Variants in LRRC4C observed in about 807,000 individuals in gnomAD.
LRRC4C encodes leucine rich repeat containing 4C.
LRRC4C carries 5 observed loss-of-function variants against 33.6 expected under a neutral mutation model. The observed-to-expected ratio is 0.15, with a 90% CI of 0.08 to 0.31. The LOEUF (loss-of-function observed/expected upper bound fraction) is 0.31. Among genes scored for constraint, LRRC4C ranks in the 10% least tolerant of loss-of-function variants. LRRC4C has a pLI of 1.00. For synonymous variants in LRRC4C, 329 were observed against 302.0 expected, an observed-to-expected ratio of 1.09 and a Z score of -0.93; for missense variants, 560 against 796.7, an observed-to-expected ratio of 0.70 and a Z score of 3.58.
At chr11:40,921,942 T>C (rs567446201) in intron 2 of LRRC4C, among the ~76,000 whole-genome samples, 97 of 152,324 alleles carry the variant, frequency 6.4e-4, no homozygotes, top group African/African-American at 2.2e-3. Flanking sequence ...CTCTGTAATA[T>C]TCCTTACAAA....
At position 40,936,032 on chromosome 11, in the gene LRRC4C, AT is replaced by A. The variant is rs1349742871; in HGVS notation, c.-495-2310del. Among the ~76,000 whole-genome samples, 22 of 54,732 alleles carry A rather than the reference AT, an allele frequency of 4.0e-4. 3 individuals carry two copies. Among genetic ancestry groups the A allele is most frequent in the Non-Finnish European group, 6.6e-4 (18 of 27,202 alleles). The allele number at this position is 54,732 out of a possible 152,430, so 35.9% of individuals were successfully genotyped here. A position where few individuals can be genotyped will look rare whatever the true frequency, so the allele number is the denominator to read the frequency against. On this transcript the variant is annotated intron_variant, in intron 1 of 6. Transcript: ENST00000528697. ...CCAAATTTTATATATATATATATAT[AT>A]ATATATATATATATATATATATATA... is the stretch of plus-strand genomic sequence containing the variant.
At chr11:41,332,765 C>T (rs1206072914) in intron 1 of LRRC4C, among the ~76,000 whole-genome samples, 2 of 152,150 alleles carry the variant, frequency 1.3e-5, no homozygotes, top group African/African-American at 4.8e-5. Context: ...ATTCTATTAG[C>T]AACTTGGGGT....
At chr11:40,931,702 A>C (rs1957632779) in intron 2 of LRRC4C, among the ~76,000 whole-genome samples, 1 of 152,036 alleles carries the variant, frequency 6.6e-6, no homozygotes, top group South Asian at 2.1e-4. Context: ...GTAGATACTT[A>C]TAATTATTTT....
intron 3 of LRRC4C, among the ~76,000 whole-genome samples, chr11:40,561,832 T>C (rs1315439521): frequency 3.3e-5 from 5 of 152,210 alleles, no homozygotes; most frequent in Admixed American, 2.0e-4. Flanking sequence ...ACTAAATAGT[T>C]GTTTGGTGGC....
intron 1 of LRRC4C, among the ~76,000 whole-genome samples, chr11:41,295,318 C>A (rs1158705811): frequency 6.6e-6 from 1 of 151,846 alleles, no homozygotes; most frequent in Non-Finnish European, 1.5e-5. Context: ...TGTAGTTTAC[C>A]AACTGAGTCA....
chr11:40,679,227 A>C (rs575784849), intron 2 of LRRC4C, among the ~76,000 whole-genome samples: 2 of 152,306 alleles, frequency 1.3e-5, no homozygotes, highest in South Asian at 4.1e-4. Flanking sequence ...CTAAGCAGCA[A>C]AGAATTCAAG....
At chr11:41,076,518 A>G (rs902910886) in intron 1 of LRRC4C, among the ~76,000 whole-genome samples, 1 of 152,320 alleles carries the variant, frequency 6.6e-6, no homozygotes, top group Middle Eastern at 3.4e-3. Flanking sequence ...ACATTTTCAA[A>G]CAACCAGATC....
intron 1 of LRRC4C, among the ~76,000 whole-genome samples, chr11:41,212,962 G>T (rs1326426344): frequency 6.6e-6 from 1 of 152,152 alleles, no homozygotes; most frequent in African/African-American, 2.4e-5. Context: ...TTCAATCTTT[G>T]TTCTGCTAAG....
Position 41,371,962 on chromosome 11 carries a change from C to T in LRRC4C, c.-496+87469G>A, listed in dbSNP as rs548794239. The stretch of plus-strand genomic sequence containing the variant: ...CATCCTGGCTAACATGGTGAAACCC[C>T]GTCTCTACTAAAAAATACAAAGAAA... On this transcript the variant is annotated intron_variant, in intron 1 of 6. Transcript: ENST00000528697. Among the ~76,000 whole-genome samples, 11 of 152,232 alleles carry T rather than the reference C, an allele frequency of 7.2e-5. No individual in the cohort carries two copies. The East Asian group carries it at 2.1e-3, about 30-fold the overall frequency.
intron 5 of LRRC4C, among the ~76,000 whole-genome samples, chr11:40,161,296 G>A (rs1859134179): frequency 6.6e-6 from 1 of 152,110 alleles, no homozygotes; most frequent in Non-Finnish European, 1.5e-5. Flanking sequence ...TTGATAATGA[G>A]GAGGCAGTTA....
intron 1 of LRRC4C, among the ~76,000 whole-genome samples, chr11:41,101,660 G>A (rs1941194644): frequency 6.6e-6 from 1 of 152,102 alleles, no homozygotes; most frequent in South Asian, 2.1e-4. Flanking sequence ...TATACCCAAA[G>A]GAATATAAAT....
chr11:41,366,839 C>T (rs957573684), intron 1 of LRRC4C, among the ~76,000 whole-genome samples: 6 of 152,092 alleles, frequency 3.9e-5, no homozygotes, highest in Admixed American at 3.9e-4. Context: ...CTCAGACTTC[C>T]AGTCTCCAGA....
At chr11:40,744,023 C>T (rs561257756) in intron 2 of LRRC4C, among the ~76,000 whole-genome samples, 16 of 152,178 alleles carry the variant, frequency 1.1e-4, no homozygotes, top group East Asian at 9.7e-4. Flanking sequence ...TCTCTGCCAA[C>T]GAATTTACCT....
intron 3 of LRRC4C, among the ~76,000 whole-genome samples, chr11:40,585,487 T>A (rs1591184010): frequency 6.6e-6 from 1 of 151,680 alleles, no homozygotes; most frequent in East Asian, 1.9e-4. Context: ...TTTTTTTTTT[T>A]ATACTTTAAG....
chr11:40,965,957 G>C (rs192332420), intron 1 of LRRC4C, among the ~76,000 whole-genome samples: 9 of 152,110 alleles, frequency 5.9e-5, no homozygotes, highest in African/African-American at 2.2e-4. Flanking sequence ...AATTACCTTG[G>C]GCAGTATGGC....
rs1253453012 is a variant in LRRC4C at position 40,834,907 on chromosome 11, GACAGAC to G, written c.-407+98722_-407+98727del. On this transcript the variant is annotated intron_variant, in intron 2 of 6. Coordinates refer to ENST00000528697, the MANE Select transcript of LRRC4C (RefSeq NM_001258419.2). ...AGGCAGACAGACAGACAGACAGACA[GACAGAC>G]ACACACACACACACACACACACACA... Among the ~76,000 whole-genome samples, 131 of 45,290 alleles carry G rather than the reference GACAGAC, an allele frequency of 2.9e-3. 2 individuals carry two copies. In the Middle Eastern group the frequency reaches 0.06, roughly 21 times the overall value. 29.7% of individuals were successfully genotyped at this position (45,290 alleles called of 152,430 possible).
At chr11:41,280,199 C>T (rs1237445178) in intron 1 of LRRC4C, among the ~76,000 whole-genome samples, 2 of 152,142 alleles carry the variant, frequency 1.3e-5, no homozygotes, top group Non-Finnish European at 2.9e-5. Flanking sequence ...AAAGAAACAA[C>T]AGTTTCTGAG....
chr11:40,229,436 C>T (rs1261154362), intron 5 of LRRC4C, among the ~76,000 whole-genome samples: 2 of 152,044 alleles, frequency 1.3e-5, no homozygotes, highest in African/African-American at 2.4e-5. Context: ...CCAGGTCTGG[C>T]TAATTTTTGT....
At chr11:41,037,987 C>T (rs547010448) in intron 1 of LRRC4C, among the ~76,000 whole-genome samples, 42 of 152,278 alleles carry the variant, frequency 2.8e-4, no homozygotes, top group Non-Finnish European at 3.7e-4. Flanking sequence ...TCAACACTGA[C>T]GAAAACGTCC....
Sources: allele counts gnomAD v4.1 joint callset (sites outside exome capture counted in the v4.1 genomes callset), GRCh38; gene constraint gnomAD v4.1.1; transcripts MANE v1.5; gene names NCBI Gene and HGNC (gene_info 2026-07-23, HGNC 2026-07-21).